FNBP1L: variants seen among roughly 807,000 people sequenced by gnomAD.
The protein encoded by FNBP1L is formin-binding protein 1-like.
FNBP1L carries 36 observed loss-of-function variants against 91.2 expected under a neutral mutation model. The observed-to-expected ratio is 0.39, with a 90% CI of 0.30 to 0.52. The LOEUF is 0.52. FNBP1L is among the 20% of genes least tolerant of loss of function. The probability of loss-of-function intolerance (pLI) is 0.66; values close to 1 mark genes in which losing one functional copy is unlikely to be tolerated. For missense variants in FNBP1L, 571 were observed against 732.1 expected (o/e 0.78, Z 2.54); for synonymous variants, 242 against 237.0 (o/e 1.02, Z -0.19).
intron 7 of FNBP1L, 147 bp downstream of exon 7, chr1:93,531,030 A>G (rs1005395123): frequency 2.0e-5 from 13 of 663,332 alleles, no homozygotes; most frequent in African/African-American, 1.9e-4. Context: ...AGATTTGAAA[A>G]CAAGTGTTTT....
chr1:93,478,640 TATGTAGCC>T (rs1341019245), intron 1 of FNBP1L, among the ~76,000 whole-genome samples: 1 of 152,160 alleles, frequency 6.6e-6, no homozygotes, highest in Non-Finnish European at 1.5e-5. Context: ...AGGGTACCTG[TATGTAGCC>T]ATGGTGGCAA....
Position 93,524,258 on chromosome 1 carries a change from C to T in FNBP1L, c.343-3C>T. 6.8e-7 allele frequency: 1 copy of T among 1,480,524 alleles called. No homozygotes were observed. Among genetic ancestry groups the T allele is most frequent in the Non-Finnish European group, 9.0e-7 (1 of 1,115,034 alleles). The allele number at this position is 1,480,524 out of a possible 1,614,324, so 91.7% of individuals were successfully genotyped here. ...TTTTTTTGGCCGTGGTTATAATCTT[C>T]AGCATCTGCAAGAAGGACGAAAAGC... On this transcript the variant is annotated splice_region_variant and splice_polypyrimidine_tract_variant and intron_variant, in intron 4 of 16. Transcript: ENST00000271234.
intron 16 of FNBP1L, 32 bp from the exon 17 acceptor site, chr1:93,552,355 GTTTTACCAAAGGTCTTCAGTAA>G (rs775832980): frequency 2.2e-5 from 35 of 1,593,266 alleles, no homozygotes; most frequent in Non-Finnish European, 2.6e-5. Flanking sequence ...ACCCCTTTTG[GTTTTACCAAAGGTCTTCAGTAA>G]TTGTTCTTTT....
chr1:93,477,009 A>G (rs763518283), intron 1 of FNBP1L, among the ~76,000 whole-genome samples: 4 of 152,190 alleles, frequency 2.6e-5, no homozygotes, highest in Non-Finnish European at 4.4e-5. Flanking sequence ...AATAAATGGC[A>G]GAGTCTATAT....
At chr1:93,480,437 G>T (rs1669657475) in intron 1 of FNBP1L, among the ~76,000 whole-genome samples, 1 of 152,090 alleles carries the variant, frequency 6.6e-6, no homozygotes, top group Non-Finnish European at 1.5e-5. Flanking sequence ...CAACTTCATA[G>T]GGTTGTTGTG....
intron 10 of FNBP1L, 43 bp from the exon 11 acceptor site, chr1:93,540,999 G>A: frequency 6.5e-7 from 1 of 1,529,490 alleles, no homozygotes; most frequent in Non-Finnish European, 8.8e-7. Context: ...GGTTTCCTGT[G>A]AATAATTTAC....
At chr1:93,532,469 CAA>C (rs35188106) in intron 7 of FNBP1L, among the ~76,000 whole-genome samples, 981 of 62,534 alleles carry the variant, frequency 0.016, 12 homozygotes, top group African/African-American at 0.064. Flanking sequence ...GACTCCGCCT[CAA>C]AAAAAAAAAA....
intron 2 of FNBP1L, among the ~76,000 whole-genome samples, chr1:93,515,283 G>A (rs1401053077): frequency 6.6e-6 from 1 of 151,742 alleles, no homozygotes; most frequent in African/African-American, 2.4e-5. Context: ...TGGAGAGGAT[G>A]TGGAGAAATA....
At chr1:93,520,685 T>G (rs1173192849) in intron 2 of FNBP1L, among the ~76,000 whole-genome samples, 1 of 152,090 alleles carries the variant, frequency 6.6e-6, no homozygotes, top group African/African-American at 2.4e-5. Flanking sequence ...AGGTACTGTT[T>G]GCACCATTTA....
intron 1 of FNBP1L, among the ~76,000 whole-genome samples, chr1:93,492,588 C>T (rs1016016844): frequency 7.9e-5 from 12 of 152,266 alleles, no homozygotes; most frequent in Admixed American, 7.8e-4. Context: ...TGGCTCACGC[C>T]TATAGTCCTG....
intron 10 of FNBP1L, among the ~76,000 whole-genome samples, chr1:93,539,673 G>A (rs1671963861): frequency 6.6e-6 from 1 of 152,066 alleles, no homozygotes; most frequent in African/African-American, 2.4e-5. Context: ...CTTGTCCTAT[G>A]TATAATTTCA....
rs972013138 is a variant in FNBP1L at position 93,448,132 on chromosome 1, C to T, written c.-150C>T. The T allele has an allele frequency of 1.7e-5, 17 of 972,906 alleles. No individual in the cohort carries two copies. In the Admixed American group the frequency reaches 6.0e-4, roughly 34 times the overall value. 60.3% of individuals were successfully genotyped at this position (972,906 alleles called of 1,614,324 possible). A position where few individuals can be genotyped will look rare whatever the true frequency, so the allele number is the denominator to read the frequency against. ...GAGGCTTCTCCAGTCGCGTCTTTCT[C>T]ACTCACTGGGGAGCCCGGCGGTGGC... On this transcript the variant is annotated 5_prime_UTR_variant, in exon 1 of 17. Transcript: ENST00000271234.
chr1:93,551,233 T>G, intron 16 of FNBP1L, 128 bp downstream of exon 16: 2 of 1,391,360 alleles, frequency 1.4e-6, no homozygotes, highest in Non-Finnish European at 1.9e-6. Context: ...CATCCAAGAT[T>G]AATTGTTCAC....
chr1:93,527,828 G>A (rs536529727), intron 5 of FNBP1L, among the ~76,000 whole-genome samples: 46 of 152,028 alleles, frequency 3.0e-4, no homozygotes, highest in Middle Eastern at 6.8e-3. Context: ...ACTATGAAAG[G>A]AAATGAAAAT....
intron 8 of FNBP1L, 56 bp from the exon 9 acceptor site, chr1:93,534,649 T>G: frequency 8.5e-7 from 1 of 1,176,002 alleles, no homozygotes; most frequent in Non-Finnish European, 1.2e-6. Flanking sequence ...TTATGAAAGC[T>G]GATGTAGAAT....
rs1209035803 is a variant in FNBP1L, at chr1:93,552,576, C to T, written c.*160C>T. Reference sequence around the variant, plus strand: ...TTTTTTACTAACTTCATTAGCATTTCCATACATTGTTTTTAAAAATCATAA... The same window carrying T: ...TTTTTTACTAACTTCATTAGCATTTTCATACATTGTTTTTAAAAATCATAA... On this transcript the variant is annotated 3_prime_UTR_variant, in exon 17 of 17. Transcript: ENST00000271234. The T allele has an allele frequency of 8.3e-6, 5 of 603,996 alleles. No individual in the cohort carries two copies. The highest frequency in any genetic ancestry group is 1.9e-5 in the African/African-American group (1 of 52,976). The allele number at this position is 603,996 out of a possible 1,614,324, so 37.4% of individuals were successfully genotyped here.
intron 2 of FNBP1L, among the ~76,000 whole-genome samples, chr1:93,499,995 AGTTT>A (rs1285125956): frequency 2.0e-5 from 3 of 151,962 alleles, no homozygotes; most frequent in African/African-American, 7.2e-5. Flanking sequence ...TGCTGAGCTG[AGTTT>A]CTTTCTGTCA....
Position 93,549,408 on chromosome 1 carries a change from G to A in FNBP1L, c.1633G>A (p.Ala545Thr). The change falls in exon 15 of 17, where the codon GCT becomes ACT. Residue 545 changes from alanine (A) to threonine (T), a missense_variant. Around this residue, in one of 5 missense-constraint regions of FNBP1L, gnomAD observed 189 missense variants for 219.7 expected, o/e 0.86. Transcript: ENST00000271234. The stretch of plus-strand genomic sequence containing the variant: ...CTTGCCTGCTATTGGACACTGCAAA[G>A]CTATCTACCCTTTTGATGGTATGAT... ...DPLPAIGHCK[A>T]IYPFDGHNEG... 6.3e-7 allele frequency: 1 copy of A among 1,593,762 alleles called. No homozygotes were observed. Among genetic ancestry groups the A allele is most frequent in the Non-Finnish European group, 8.5e-7 (1 of 1,174,248 alleles).
intron 13 of FNBP1L, 32 bp downstream of exon 13, chr1:93,547,006 A>T (rs772524977): frequency 2.8e-5 from 45 of 1,581,290 alleles, no homozygotes; most frequent in Admixed American, 1.5e-4. Flanking sequence ...TGTCAAGATA[A>T]ATTATTTTTA....
Sources: gnomAD v4.1 joint callset for allele counts (sites outside exome capture counted in the v4.1 genomes callset) on GRCh38, gnomAD v4.1.1 for gene constraint, gnomAD v4.1.1 regional missense constraint, MANE v1.5 for transcripts, NCBI Gene and HGNC (gene_info 2026-07-23, HGNC 2026-07-21) for gene names.